TRPC7: variants seen among roughly 807,000 people sequenced by gnomAD.
TRPC7 encodes transient receptor potential cation channel subfamily C member 7, also known as short transient receptor potential channel 7.
In TRPC7, 42 loss-of-function variants were observed where a neutral mutation model predicts 90.1. That is an observed-to-expected ratio of 0.47 (90% confidence interval 0.36 to 0.60). The LOEUF (loss-of-function observed/expected upper bound fraction) is 0.60. TRPC7 is among the 20% of genes least tolerant of loss of function. TRPC7 has a pLI of 0.00. For synonymous variants in TRPC7, 451 were observed against 436.3 expected (o/e 1.03, Z -0.42); for missense variants, 955 against 1,112.3 (o/e 0.86, Z 2.01).
chr5:136,322,550 C>T (rs1469541199), intron 2 of TRPC7, among the ~76,000 whole-genome samples: 1 of 152,050 alleles, frequency 6.6e-6, no homozygotes, highest in African/African-American at 2.4e-5. Context: ...TTTTTATTTT[C>T]ATTTTTAGAG....
chr5:136,348,179 C>T (rs1036288904), intron 2 of TRPC7, among the ~76,000 whole-genome samples: 1 of 152,224 alleles, frequency 6.6e-6, no homozygotes, highest in African/African-American at 2.4e-5. Context: ...TCCGATGCCT[C>T]ACCATTCACC....
chr5:136,283,108 A>G (rs1326037055), intron 3 of TRPC7, among the ~76,000 whole-genome samples: 1 of 152,206 alleles, frequency 6.6e-6, no homozygotes, highest in South Asian at 2.1e-4. Flanking sequence ...TTGCTGGGAC[A>G]CATGCTGTGG....
At chr5:136,304,929 G>A (rs200631851) in intron 3 of TRPC7, among the ~76,000 whole-genome samples, 1 of 144,016 alleles carries the variant, frequency 6.9e-6, no homozygotes, top group Non-Finnish European at 1.5e-5. Flanking sequence ...TGACCTTACT[G>A]TTTTAGCCTA....
At chr5:136,356,268 T>C (rs990821931) in intron 2 of TRPC7, among the ~76,000 whole-genome samples, 2 of 152,248 alleles carry the variant, frequency 1.3e-5, no homozygotes, top group African/African-American at 4.8e-5. Context: ...GGTCCTTAGG[T>C]GTCCTAGACA....
intron 3 of TRPC7, among the ~76,000 whole-genome samples, chr5:136,300,958 C>A (rs375050085): frequency 2.8e-4 from 42 of 152,284 alleles, no homozygotes; most frequent in African/African-American, 9.4e-4. Flanking sequence ...CATTAAAGAG[C>A]CTTTAAAAAA....
At chr5:136,312,612 A>G (rs764303953) in intron 3 of TRPC7, among the ~76,000 whole-genome samples, 1 of 152,168 alleles carries the variant, frequency 6.6e-6, no homozygotes, top group Non-Finnish European at 1.5e-5. Context: ...CAGGCTAGAA[A>G]CCTGGTCAAC....
intron 2 of TRPC7, among the ~76,000 whole-genome samples, chr5:136,329,755 G>C (rs535039842): frequency 1.3e-5 from 2 of 152,156 alleles, no homozygotes; most frequent in African/African-American, 4.8e-5. Context: ...ACCAAGAAAG[G>C]AATTCATGTG....
chr5:136,259,614 C>T (rs1010444583), intron 5 of TRPC7, among the ~76,000 whole-genome samples: 1 of 152,182 alleles, frequency 6.6e-6, no homozygotes, highest in Admixed American at 6.5e-5. Context: ...ATCTCTAGTG[C>T]TATAATCTCT....
chr5:136,337,023 C>A (rs974296511), intron 2 of TRPC7, among the ~76,000 whole-genome samples: 3 of 152,172 alleles, frequency 2.0e-5, no homozygotes, highest in Non-Finnish European at 4.4e-5. Flanking sequence ...ATTCTGGAGG[C>A]TCACCTATTA....
At chr5:136,323,068 A>G (rs78744400) in intron 2 of TRPC7, among the ~76,000 whole-genome samples, 17 of 152,330 alleles carry the variant, frequency 1.1e-4, no homozygotes, top group African/African-American at 3.8e-4. Context: ...GGAGGAACCC[A>G]GTGGGAGATA....
At chr5:136,256,847 G>A (rs1051212552) in intron 5 of TRPC7, among the ~76,000 whole-genome samples, 3 of 152,160 alleles carry the variant, frequency 2.0e-5, no homozygotes, top group African/African-American at 7.2e-5. Context: ...TCCTCCAGCA[G>A]TTCCACCCAA....
chr5:136,218,793 G>A (rs1341257684), intron 10 of TRPC7, among the ~76,000 whole-genome samples: 1 of 152,188 alleles, frequency 6.6e-6, no homozygotes, highest in Non-Finnish European at 1.5e-5. Flanking sequence ...CAAATGCATT[G>A]AGTGCTTCCA....
chr5:136,247,630 T>C lies in TRPC7; in HGVS notation c.1685A>G (p.Asn562Ser), dbSNP rs1378536184. 4 of 1,613,870 alleles carry C rather than the reference T, an allele frequency of 2.5e-6. No individual in the cohort carries two copies. The highest frequency in any genetic ancestry group is 2.7e-5 in the African/African-American group (2 of 74,916). The change falls in exon 7 of 12, where the codon AAC (asparagine) becomes AGC (serine). Residue 562 changes from asparagine (N) to serine (S), a missense_variant. Asn to Ser is a conservative substitution (Grantham distance 46). Transcript: ENST00000513104. This position sits in a 1 kb window ranked among gnomAD's most constrained non-coding sequence, Gnocchi z 4.2. The part of the protein sequence containing the change: ...FSRIAYILPA[N>S]ESFGPLQISL... ...GATCTGCAGGGGCCCAAAACTCTCGTTGGCTGGCAGAATGTATGCAATGCG... is the reference window on the plus strand; with the variant it reads ...GATCTGCAGGGGCCCAAAACTCTCGCTGGCTGGCAGAATGTATGCAATGCG...
chr5:136,297,657 TATTA>T (rs1242024952), intron 3 of TRPC7, among the ~76,000 whole-genome samples: 1 of 152,180 alleles, frequency 6.6e-6, no homozygotes, highest in African/African-American at 2.4e-5. Context: ...TTAATAATTT[TATTA>T]ATTAAACTAT....
chr5:136,251,686 A>T lies in TRPC7; in HGVS notation c.1542T>A (p.Asn514Lys). The T allele has an allele frequency of 6.2e-7, 1 of 1,612,226 alleles. No individual in the cohort carries two copies. The highest frequency in any genetic ancestry group is 8.5e-7 in the Non-Finnish European group (1 of 1,178,494). ...DQHVQDDTLH[N>K]VSLPPEVAYF... The stretch of plus-strand genomic sequence containing the variant: ...ATGCCACTTCCGGCGGAAGCGAGAC[A>T]TTGTGCAGCGTGTCGTCCTGCACGT... The change falls in exon 6 of 12, where the codon AAT becomes AAA. Residue 514 changes from asparagine (N) to lysine (K), a missense_variant. Asn to Lys is a moderately conservative substitution (Grantham distance 94, BLOSUM62 0). This residue lies in a region of TRPC7 where 484 missense variants were observed against 509.6 expected (regional missense o/e 0.95). Transcript: ENST00000513104.
intron 5 of TRPC7, among the ~76,000 whole-genome samples, chr5:136,259,285 C>T (rs1756778849): frequency 6.6e-6 from 1 of 152,210 alleles, no homozygotes; most frequent in Non-Finnish European, 1.5e-5. Context: ...CCTTGTTGTC[C>T]ACTGTGCTGT....
At chr5:136,364,617 G>T (rs1292426440) in intron 1 of TRPC7, among the ~76,000 whole-genome samples, 1 of 152,048 alleles carries the variant, frequency 6.6e-6, no homozygotes, top group Non-Finnish European at 1.5e-5. Context: ...ATAGCATTTT[G>T]GTTGTGTCTA....
chr5:136,364,300 GAAAT>G lies in TRPC7; in HGVS notation c.2+949_2+952del, dbSNP rs1760658580. 4.6e-5 allele frequency among the ~76,000 whole-genome samples: 7 copies of G among 152,158 alleles called. No individual in the cohort carries two copies. The South Asian group carries it at 1.5e-3, about 32-fold the overall frequency. ...CTAAGTTTAGGAGCAAGTGTTTTTG[GAAAT>G]AAATATTTATGAAAGGGTAATTGTG... On this transcript the variant is annotated intron_variant, in intron 1 of 11. Transcript: ENST00000513104.
At chr5:136,348,330 C>T (rs968966541) in intron 2 of TRPC7, among the ~76,000 whole-genome samples, 4 of 152,204 alleles carry the variant, frequency 2.6e-5, no homozygotes, top group Admixed American at 2.0e-4. Flanking sequence ...TCTGAATGGG[C>T]TTCTTTTTCT....
Sources: gnomAD v4.1 joint callset for allele counts (sites outside exome capture counted in the v4.1 genomes callset) on GRCh38, gnomAD v4.1.1 for gene constraint, gnomAD v4.1.1 regional missense constraint, Gnocchi (gnomAD v3.1) non-coding constraint, MANE v1.5 for transcripts, NCBI Gene and HGNC (gene_info 2026-07-23, HGNC 2026-07-21) for gene names.